Variants in GHRHR observed in about 807,000 individuals in gnomAD.
The protein encoded by GHRHR is growth hormone releasing hormone receptor, also known as growth hormone-releasing hormone receptor.
In GHRHR, 40 loss-of-function variants were observed where a neutral mutation model predicts 58.3. The ratio of observed to expected loss-of-function variants is 0.69; its 90% CI spans 0.53 to 0.89. The LOEUF is 0.89. GHRHR is among the 40% of genes least tolerant of loss of function. GHRHR has a pLI of 0.00. For synonymous variants in GHRHR, 249 were observed against 216.6 expected, an observed-to-expected ratio of 1.15 and a Z score of -1.31; for missense variants, 551 against 541.3, an observed-to-expected ratio of 1.02 and a Z score of -0.18.
At chr7:30,971,057 A>G in intron 4 of GHRHR, 62 bp from the exon 5 acceptor site, 1 of 770,836 alleles carries the variant, frequency 1.3e-6, no homozygotes, top group Non-Finnish European at 2.3e-6. Flanking sequence ...CTTGATTGTC[A>G]AGCCTCTCTT....
chr7:30,969,271 A>C (rs1249216863), intron 3 of GHRHR, 101 bp downstream of exon 3: 1 of 813,608 alleles, frequency 1.2e-6, no homozygotes, highest in African/African-American at 1.7e-5. Flanking sequence ...GGGTTTGTAT[A>C]CCAACTTCCC....
intron 10 of GHRHR, 62 bp from the exon 11 acceptor site, chr7:30,976,367 T>C: frequency 6.6e-7 from 1 of 1,511,306 alleles, no homozygotes; most frequent in Admixed American, 1.7e-5. Context: ...TGAGAGGAGA[T>C]GAAGTGCACA....
chr7:30,968,038 G>A (rs552337607), intron 1 of GHRHR, among the ~76,000 whole-genome samples: 2 of 151,922 alleles, frequency 1.3e-5, no homozygotes, highest in African/African-American at 2.4e-5. Flanking sequence ...CAGTTCCCAC[G>A]GCACACATCC....
At chr7:30,974,619 G>A (rs1247797530) in intron 8 of GHRHR, 130 bp downstream of exon 8, 6 of 757,192 alleles carry the variant, frequency 7.9e-6, no homozygotes, top group Non-Finnish European at 1.4e-5. Flanking sequence ...GATGGGGGGT[G>A]GGAGAACAGT....
chr7:30,978,292 A>T (rs1792626260), intron 12 of GHRHR, among the ~76,000 whole-genome samples: 1 of 152,000 alleles, frequency 6.6e-6, no homozygotes, highest in African/African-American at 2.4e-5. Flanking sequence ...GGGTCCTGGG[A>T]GGGGCAAGAA....
intron 3 of GHRHR, 187 bp from the exon 4 acceptor site, chr7:30,969,680 A>G (rs1792439596): frequency 9.0e-6 from 6 of 663,906 alleles, no homozygotes; most frequent in Non-Finnish European, 1.6e-5. Context: ...CCAGAGAAGG[A>G]AGGCCCCATA....
In GHRHR at chr7:30,979,414, T is replaced by C. The variant is rs1440488696; in HGVS notation, c.*170T>C. ...GCATCTGACTCTCTTTTGAGGTCCC[T>C]GTATGTCTACCTCTGACTTCTGTGG... is the stretch of plus-strand genomic sequence containing the variant. On this transcript the variant is annotated 3_prime_UTR_variant, in exon 13 of 13. Coordinates refer to ENST00000326139, the MANE Select transcript of GHRHR (RefSeq NM_000823.4). 1 of 658,506 alleles carries C rather than the reference T, an allele frequency of 1.5e-6. No individual in the cohort carries two copies. Among genetic ancestry groups the C allele is most frequent in the Non-Finnish European group, 2.7e-6 (1 of 364,914 alleles). 40.8% of individuals were successfully genotyped at this position (658,506 alleles called of 1,614,324 possible). A position where few individuals can be genotyped will look rare whatever the true frequency, so the allele number is the denominator to read the frequency against.
At chr7:30,967,197 T>C (rs1412963004) in intron 1 of GHRHR, among the ~76,000 whole-genome samples, 1 of 152,238 alleles carries the variant, frequency 6.6e-6, no homozygotes, top group Non-Finnish European at 1.5e-5. Flanking sequence ...TGGTTTTCCT[T>C]CGGTTTGGGG....
rs1282963293 is a variant in GHRHR at position 30,976,978 on chromosome 7, A to G, written c.1105-303A>G. On this transcript the variant is annotated intron_variant, in intron 11 of 12. Coordinates refer to ENST00000326139, the MANE Select transcript of GHRHR (RefSeq NM_000823.4). ...TATCCATCCATCCACCCATCCATCC[A>G]ATCTATTCAACTCTTACTGATCCCC... Among the ~76,000 whole-genome samples, 7 of 150,524 alleles carry G rather than the reference A, an allele frequency of 4.7e-5. No homozygotes were observed. The East Asian group carries it at 1.4e-3, about 30-fold the overall frequency.
chr7:30,972,117 G>T, intron 6 of GHRHR, 22 bp downstream of exon 6: 1 of 1,613,230 alleles, frequency 6.2e-7, no homozygotes, highest in Non-Finnish European at 8.5e-7. Context: ...GGGTGAAGGG[G>T]CTGGGCAGGT....
intron 1 of GHRHR, among the ~76,000 whole-genome samples, chr7:30,965,870 G>C (rs118120668): frequency 6.6e-6 from 1 of 152,208 alleles, no homozygotes; most frequent in Admixed American, 6.5e-5. Context: ...CGCTTTGTGC[G>C]CTCAGTCTGT....
At chr7:30,967,180 T>A (rs1334381101) in intron 1 of GHRHR, among the ~76,000 whole-genome samples, 1 of 152,236 alleles carries the variant, frequency 6.6e-6, no homozygotes, top group Non-Finnish European at 1.5e-5. Context: ...TGCTGGGCGA[T>A]CAGTTTTGGT....
intron 7 of GHRHR, 89 bp downstream of exon 7, chr7:30,974,227 C>A: frequency 7.2e-7 from 1 of 1,385,650 alleles, no homozygotes; most frequent in Admixed American, 1.7e-5. Context: ...CCACCTCACT[C>A]TGAGGCCCAG....
At chr7:30,969,787 C>T (rs776147793) in intron 3 of GHRHR, 80 bp from the exon 4 acceptor site, 3 of 1,373,996 alleles carry the variant, frequency 2.2e-6, no homozygotes, top group Non-Finnish European at 3.1e-6. Context: ...GCCAGGGTCA[C>T]TTGATGGTCC....
At chr7:30,972,344 C>T (rs549439032) in intron 6 of GHRHR, among the ~76,000 whole-genome samples, 2 of 152,322 alleles carry the variant, frequency 1.3e-5, no homozygotes, top group East Asian at 1.9e-4. Flanking sequence ...TGTAGTCCAA[C>T]CTAGACCACG....
At chr7:30,971,052 T>C (rs1792471450) in intron 4 of GHRHR, 67 bp from the exon 5 acceptor site, 3 of 756,644 alleles carry the variant, frequency 4.0e-6, no homozygotes, top group Middle Eastern at 2.3e-4. Context: ...ACCTGCTTGA[T>C]TGTCAAGCCT....
chr7:30,974,603 G>C (rs538151005), intron 8 of GHRHR, 114 bp downstream of exon 8: 1 of 804,250 alleles, frequency 1.2e-6, no homozygotes, highest in Admixed American at 1.8e-5. Context: ...GGGACTGCCC[G>C]GCTAGGATGG....
intron 5 of GHRHR, among the ~76,000 whole-genome samples, chr7:30,971,592 A>G (rs1792481590): frequency 6.6e-6 from 1 of 151,294 alleles, no homozygotes; most frequent in Admixed American, 6.6e-5. Flanking sequence ...CCCCTCCTCC[A>G]GCCTTCGAAG....
At position 30,979,350 on chromosome 7, in the gene GHRHR, C is replaced by T; in HGVS notation, c.*106C>T. On this transcript the variant is annotated 3_prime_UTR_variant, in exon 13 of 13. Transcript: ENST00000326139. ...GGCCACATCCCCACCCCAGCTGTTA[C>T]CCAGCCCGGGGCAGGTGCAGCCCTT... The T allele has an allele frequency of 8.7e-7, 1 of 1,149,886 alleles. No individual in the cohort carries two copies. Among genetic ancestry groups the T allele is most frequent in the East Asian group, 2.5e-5 (1 of 39,284 alleles). The allele number at this position is 1,149,886 out of a possible 1,614,324, so 71.2% of individuals were successfully genotyped here.
Sources: allele counts gnomAD v4.1 joint callset (sites outside exome capture counted in the v4.1 genomes callset), GRCh38; gene constraint gnomAD v4.1.1; transcripts MANE v1.5; gene names NCBI Gene and HGNC (gene_info 2026-07-23, HGNC 2026-07-21).